SYNE4: variants seen among roughly 807,000 people sequenced by gnomAD.
SYNE4 encodes spectrin repeat containing nuclear envelope family member 4, also known as nesprin-4.
In SYNE4, 41 loss-of-function variants were observed where a neutral mutation model predicts 46.9. The ratio of observed to expected loss-of-function variants is 0.87; its 90% CI spans 0.68 to 1.13. The LOEUF is 1.13. Among genes scored for constraint, SYNE4 ranks in the 50% most tolerant of loss-of-function variants. The pLI, the probability that SYNE4 is intolerant of heterozygous loss-of-function variation, is 0.00. For missense variants in SYNE4, 492 were observed against 514.8 expected, an observed-to-expected ratio of 0.96 and a Z score of 0.43; for synonymous variants, 221 against 219.5, an observed-to-expected ratio of 1.01 and a Z score of -0.06.
chr19:36,003,329 T>G lies in SYNE4; in HGVS notation c.*8A>C. On this transcript the variant is annotated 3_prime_UTR_variant, in exon 8 of 8. Coordinates refer to ENST00000324444, the MANE Select transcript of SYNE4 (RefSeq NM_001039876.3). ...ACATCCTTTGACAGTGACCATTTAT[T>G]ACACACATCAGACTGGGGGAAGACC... The G allele has an allele frequency of 6.2e-7, 1 of 1,613,894 alleles. No individual in the cohort carries two copies. The highest frequency in any genetic ancestry group is 8.5e-7 in the Non-Finnish European group (1 of 1,179,952).
intron 2 of SYNE4, 159 bp from the exon 3 acceptor site, chr19:36,007,427 TC>T (rs2036463430): frequency 1.0e-6 from 1 of 985,288 alleles, no homozygotes; most frequent in African/African-American, 1.7e-5. Context: ...GGGGGGGCCT[TC>T]CCAGTGGAGC....
chr19:36,003,376 G>A lies in SYNE4; in HGVS notation c.1176C>T (p.Tyr392=), dbSNP rs771114506. 6.2e-7 allele frequency: 1 copy of A among 1,614,114 alleles called. No individual in the cohort carries two copies. Among genetic ancestry groups the A allele is most frequent in the East Asian group, 2.2e-5 (1 of 44,888 alleles). ...GACCATTGACATAGCTGAGCACCAG[G>A]TAGGGTGTCCTGGGTATTCGGGCAT... ...CSHARIPRTP[Y]LVLSYVNGLP... Residue 392 remains tyrosine, a synonymous_variant, in exon 8 of 8, where the codon TAC becomes TAT. Transcript: ENST00000324444.
chr19:36,005,489 G>T, intron 5 of SYNE4, 52 bp from the exon 6 acceptor site: 2 of 1,546,858 alleles, frequency 1.3e-6, no homozygotes, highest in Non-Finnish European at 1.8e-6. Flanking sequence ...CCAGGATAGG[G>T]ATGTCATAGA....
rs1968381193 is a variant in SYNE4 at position 36,007,120 on chromosome 19, C to T, written c.423+5G>A. The T allele has an allele frequency of 6.3e-7, 1 of 1,597,782 alleles. No homozygotes were observed. The highest frequency in any genetic ancestry group is 2.3e-5 in the East Asian group (1 of 43,906). On this transcript the variant is annotated splice_donor_5th_base_variant and intron_variant, in intron 3 of 7. Transcript: ENST00000324444. ...CACCCCCACATCCTGGCCTCTCCTG[C>T]CTACCTGCAGCTGCACCATCCCACT...
At chr19:36,005,263 T>G in intron 6 of SYNE4, 70 bp downstream of exon 6, 1 of 1,494,192 alleles carries the variant, frequency 6.7e-7, no homozygotes, top group Non-Finnish European at 9.3e-7. Context: ...TTGTGCCTTT[T>G]GATTTCTTGG....
intron 6 of SYNE4, among the ~76,000 whole-genome samples, chr19:36,004,866 CTTTT>C (rs59700541): frequency 1.1e-5 from 1 of 89,906 alleles, no homozygotes; most frequent in African/African-American, 4.1e-5. Flanking sequence ...TTCTTTCTTT[CTTTT>C]TTTTTTTTTT....
chr19:36,007,693 A>G, intron 2 of SYNE4: 1 of 596,670 alleles, frequency 1.7e-6, no homozygotes, highest in Non-Finnish European at 2.1e-6. Context: ...CCTGGGCAAC[A>G]TGGTGAGACA....
In SYNE4 at chr19:36,008,204, C is replaced by T. The variant is rs1464456972; in HGVS notation, c.279+13G>A. The T allele has an allele frequency of 1.9e-6, 3 of 1,605,228 alleles. No homozygotes were observed. The highest frequency in any genetic ancestry group is 1.1e-5 in the South Asian group (1 of 89,892). On this transcript the variant is annotated intron_variant, in intron 2 of 7. Coordinates refer to ENST00000324444, the MANE Select transcript of SYNE4 (RefSeq NM_001039876.3). ...TGGGGCTGGCACAAGGGGTCTGGGTCACCTCAGCTCACCTCACAGTGTTTG... is the reference window on the plus strand; with the variant it reads ...TGGGGCTGGCACAAGGGGTCTGGGTTACCTCAGCTCACCTCACAGTGTTTG...
At chr19:36,006,725 T>A (rs746379365) in intron 4 of SYNE4, 25 bp downstream of exon 4, 7 of 1,592,372 alleles carry the variant, frequency 4.4e-6, no homozygotes, top group Admixed American at 1.7e-5. Flanking sequence ...CTGGGTTGGG[T>A]GGGGGGTATC....
At chr19:36,004,699 G>A (rs1018122774) in intron 6 of SYNE4, among the ~76,000 whole-genome samples, 1 of 152,044 alleles carries the variant, frequency 6.6e-6, no homozygotes, top group East Asian at 1.9e-4. Context: ...CTGGGACTTT[G>A]GCAGCTGTCA....
At chr19:36,003,954 G>C (rs1976762910) in intron 6 of SYNE4, 1 of 153,722 alleles carries the variant, frequency 6.5e-6, no homozygotes, top group South Asian at 2.1e-4. Context: ...GACCTCAAGT[G>C]ATCCGCCCAC....
chr19:36,003,431 A>G lies in SYNE4; in HGVS notation c.1121T>C (p.Leu374Pro). 1.2e-6 allele frequency: 2 copies of G among 1,613,832 alleles called. No homozygotes were observed. Among genetic ancestry groups the G allele is most frequent in the Non-Finnish European group, 1.7e-6 (2 of 1,179,888 alleles). ...GCAGCAGGGGCCTCCTGACGCGGGC[A>G]GGAGAAACATGGCACCCACCAGGAG... ...FLLLVGAMFL[L>P]PASGGPCCSH... The change falls in exon 8 of 8, where the codon CTG (leucine) becomes CCG (proline). Residue 374 changes from leucine to proline, a missense_variant. By Grantham distance (98) the Leu-to-Pro change is moderately conservative. Coordinates refer to ENST00000324444, the MANE Select transcript of SYNE4 (RefSeq NM_001039876.3).
At position 36,008,743 on chromosome 19, in the gene SYNE4, A is replaced by G. The variant is rs904270441; in HGVS notation, c.-62T>C. 2 of 1,527,034 alleles carry G rather than the reference A, an allele frequency of 1.3e-6. No homozygotes were observed. The highest frequency in any genetic ancestry group is 1.8e-6 in the Non-Finnish European group (2 of 1,137,298). The allele number at this position is 1,527,034 out of a possible 1,614,324, so 94.6% of individuals were successfully genotyped here. ...AGCCAGTAAGACCTCTTCCCTAGAC[A>G]AGGGTGTCCCAGAGCTCCTCCGCTG... On this transcript the variant is annotated 5_prime_UTR_variant, in exon 1 of 8. Transcript: ENST00000324444.
intron 5 of SYNE4, chr19:36,006,156 TC>T: frequency 4.6e-6 from 2 of 431,582 alleles, no homozygotes; most frequent in Non-Finnish European, 8.0e-6. Flanking sequence ...AGGTGGCACT[TC>T]AGGAGAGACT....
chr19:36,006,304 G>T, intron 5 of SYNE4, 119 bp downstream of exon 5: 1 of 1,318,522 alleles, frequency 7.6e-7, no homozygotes, highest in Non-Finnish European at 1.0e-6. Flanking sequence ...GAGAGACAGA[G>T]ATAGAGGGGG....
In SYNE4 at chr19:36,008,500, C is replaced by G. The variant is rs1599680990; in HGVS notation, c.128+54G>C. On this transcript the variant is annotated intron_variant, in intron 1 of 7. Transcript: ENST00000324444. Reference sequence around the variant, plus strand: ...TGGCACCTCCTACCCTCACATGGCCCCTGCCACCACGCCTACCCTTTTGGG... The same window carrying G: ...TGGCACCTCCTACCCTCACATGGCCGCTGCCACCACGCCTACCCTTTTGGG... 1.9e-6 allele frequency: 3 copies of G among 1,611,320 alleles called. No individual in the cohort carries two copies. The East Asian group carries it at 6.7e-5, about 36-fold the overall frequency.
rs781625026 is a variant in SYNE4, at chr19:36,008,715, G to T, written c.-34C>A. On this transcript the variant is annotated 5_prime_UTR_variant, in exon 1 of 8. Transcript: ENST00000324444. ...GCCTGGGGACACAAAGTCAGGTGAG[G>T]GCAGCCAGTAAGACCTCTTCCCTAG... 4.4e-6 allele frequency: 7 copies of T among 1,585,736 alleles called. No individual in the cohort carries two copies. The South Asian group carries it at 4.6e-5, about 10-fold the overall frequency.
At chr19:36,003,542 TA>T in intron 7 of SYNE4, 22 bp from the exon 8 acceptor site, 5 of 1,598,306 alleles carry the variant, frequency 3.1e-6, no homozygotes, top group Non-Finnish European at 4.3e-6. Flanking sequence ...AATGCAGTGT[TA>T]AACATACAGG....
chr19:36,005,639 G>A, intron 5 of SYNE4: 1 of 559,092 alleles, frequency 1.8e-6, no homozygotes, highest in Non-Finnish European at 3.2e-6. Context: ...AACTGTTCTA[G>A]GAGCTGAGGA....
Sources: gnomAD v4.1 joint callset for allele counts (sites outside exome capture counted in the v4.1 genomes callset) on GRCh38, gnomAD v4.1.1 for gene constraint, MANE v1.5 for transcripts, NCBI Gene and HGNC (gene_info 2026-07-23, HGNC 2026-07-21) for gene names.